Variants in SLC30A9 observed in about 807,000 individuals in gnomAD.
The protein encoded by SLC30A9 is solute carrier family 30 member 9.
In SLC30A9, 58 loss-of-function variants were observed where a neutral mutation model predicts 87.5. The ratio of observed to expected loss-of-function variants is 0.66; its 90% CI spans 0.54 to 0.82. SLC30A9 has a LOEUF of 0.82. Among genes scored for constraint, SLC30A9 ranks in the 40% least tolerant of loss-of-function variants. The pLI, the probability that SLC30A9 is intolerant of heterozygous loss-of-function variation, is 0.00. For missense variants in SLC30A9, 557 were observed against 679.1 expected (o/e 0.82, Z 2.00); for synonymous variants, 234 against 233.0 (o/e 1.00, Z -0.04).
chr4:42,053,489 G>A (rs2153138895), intron 9 of SLC30A9, among the ~76,000 whole-genome samples: 1 of 152,024 alleles, frequency 6.6e-6, no homozygotes. Context: ...TCAGGAATTC[G>A]AGACCAGCCT....
Position 42,018,148 on chromosome 4 carries a change from G to T in SLC30A9, c.312G>T (p.Lys104Asn). The change falls in exon 3 of 18, where the codon AAG (lysine) becomes AAT (asparagine). Residue 104 changes from lysine (K) to asparagine (N), a missense_variant. Physicochemically the swap from Lys to Asn is moderately conservative, Grantham distance 94. Transcript: ENST00000264451. ...GIGTELKAPL[K>N]QEPLQVRVKA... ...GCACAGAACTCAAAGCTCCACTTAA[G>T]CAAGAACCTCTCCAAGTAAGAGGTA... The T allele has an allele frequency of 6.4e-7, 1 of 1,568,344 alleles. No homozygotes were observed. The highest frequency in any genetic ancestry group is 1.4e-5 in the African/African-American group (1 of 73,952).
At chr4:42,056,068 G>A (rs1439584867) in intron 9 of SLC30A9, among the ~76,000 whole-genome samples, 1 of 152,134 alleles carries the variant, frequency 6.6e-6, no homozygotes, top group Admixed American at 6.6e-5. Context: ...GCTGGTTGGG[G>A]TGGTCTCATT....
intron 1 of SLC30A9, among the ~76,000 whole-genome samples, chr4:41,994,827 CA>C (rs539190933): frequency 0.65 from 61,823 of 94,724 alleles, 19,772 homozygotes; most frequent in East Asian, 0.89. Context: ...GATGTGGTCT[CA>C]AAAAAAAAAA....
chr4:42,053,428 C>T (rs541579934), intron 9 of SLC30A9, among the ~76,000 whole-genome samples: 82 of 152,182 alleles, frequency 5.4e-4, no homozygotes, highest in African/African-American at 1.9e-3. Flanking sequence ...CGGTGGCTCA[C>T]GTCTGTAATC....
chr4:42,039,575 G>T (rs1222540840), intron 8 of SLC30A9, among the ~76,000 whole-genome samples: 1 of 150,880 alleles, frequency 6.6e-6, no homozygotes, highest in East Asian at 2.0e-4. Context: ...CCATTCTCCT[G>T]CAACAGCCTC....
chr4:42,020,196 G>A (rs958453992), intron 3 of SLC30A9, among the ~76,000 whole-genome samples: 4 of 152,134 alleles, frequency 2.6e-5, no homozygotes, highest in African/African-American at 9.7e-5. Flanking sequence ...GACATTTTGG[G>A]ATCAGTTATA....
chr4:42,079,990 C>G (rs773659112), intron 17 of SLC30A9, among the ~76,000 whole-genome samples: 3 of 152,100 alleles, frequency 2.0e-5, no homozygotes, highest in Non-Finnish European at 4.4e-5. Context: ...CACATTTTTG[C>G]AAAAGTCTCT....
At chr4:42,075,030 T>G (rs1718465847) in intron 15 of SLC30A9, among the ~76,000 whole-genome samples, 1 of 4,580 alleles carries the variant, frequency 2.2e-4, no homozygotes, top group African/African-American at 8.1e-4. Context: ...AATATATATA[T>G]ATATATATAT....
chr4:41,993,819 C>T (rs1457461177), intron 1 of SLC30A9, among the ~76,000 whole-genome samples: 1 of 152,016 alleles, frequency 6.6e-6, no homozygotes, highest in Non-Finnish European at 1.5e-5. Flanking sequence ...TATTATGATA[C>T]CTTTATTATG....
At chr4:42,014,898 G>C (rs933807371) in intron 2 of SLC30A9, among the ~76,000 whole-genome samples, 2 of 152,152 alleles carry the variant, frequency 1.3e-5, no homozygotes, top group African/African-American at 4.8e-5. Flanking sequence ...ATGGTTACTA[G>C]GGGCTGGGAA....
At chr4:42,082,677 A>G (rs971333189) in intron 17 of SLC30A9, among the ~76,000 whole-genome samples, 11 of 152,152 alleles carry the variant, frequency 7.2e-5, no homozygotes, top group Non-Finnish European at 1.3e-4. Context: ...GTGAAACCCC[A>G]TCTCTACTAA....
chr4:42,035,448 C>T, intron 7 of SLC30A9, 115 bp downstream of exon 7: 2 of 1,110,740 alleles, frequency 1.8e-6, no homozygotes, highest in Non-Finnish European at 2.5e-6. Context: ...TTCTTGAGTA[C>T]ATTGTAGTTC....
intron 2 of SLC30A9, among the ~76,000 whole-genome samples, chr4:42,014,365 C>T (rs1465756505): frequency 1.3e-5 from 2 of 152,146 alleles, no homozygotes; most frequent in Non-Finnish European, 2.9e-5. Flanking sequence ...AGCAATCCCA[C>T]TGCTAGGTAT....
At position 42,040,347 on chromosome 4, in the gene SLC30A9, T is replaced by C. The variant is rs565975892; in HGVS notation, c.737+1294T>C. On this transcript the variant is annotated intron_variant, in intron 8 of 17. Transcript: ENST00000264451. Reference sequence around the variant, plus strand: ...TTAACATAGTACCTGCTCTAAGATATGTACTTAAGAAGTATTATTGTTAAT... The same window carrying C: ...TTAACATAGTACCTGCTCTAAGATACGTACTTAAGAAGTATTATTGTTAAT... Among the ~76,000 whole-genome samples the C allele has an allele frequency of 1.3e-3, 193 of 152,310 alleles. 3 individuals are homozygous for C. Among genetic ancestry groups the C allele is most frequent in the African/African-American group, 4.5e-3 (186 of 41,550 alleles).
rs544720654 is a variant in SLC30A9 at position 42,087,481 on chromosome 4, T to C, written c.*1355T>C. ...ATGGAAATCTATGAATTATTGCAAA[T>C]TGTAATGCTGGAAACAAAAAATAAA... On this transcript the variant is annotated 3_prime_UTR_variant, in exon 18 of 18. Transcript: ENST00000264451. 5.6e-4 allele frequency: 86 copies of C among 152,250 alleles called. No homozygotes were observed. Among genetic ancestry groups the C allele is most frequent in the African/African-American group, 2.0e-3 (84 of 41,566 alleles). The allele number at this position is 152,250 out of a possible 1,614,324, so 9.4% of individuals were successfully genotyped here.
chr4:42,030,111 A>G, intron 6 of SLC30A9: 1 of 926,726 alleles, frequency 1.1e-6, no homozygotes. Context: ...TAAAAATTGA[A>G]GTTAAGAGCT....
intron 2 of SLC30A9, among the ~76,000 whole-genome samples, chr4:42,014,905 G>T (rs1715647389): frequency 6.6e-6 from 1 of 152,100 alleles, no homozygotes; most frequent in African/African-American, 2.4e-5. Context: ...CTAGGGGCTG[G>T]GAAGAATAGT....
chr4:42,063,753 T>C (rs1717967681), intron 11 of SLC30A9, among the ~76,000 whole-genome samples: 1 of 152,176 alleles, frequency 6.6e-6, no homozygotes, highest in Non-Finnish European at 1.5e-5. Context: ...AAACTGTCTT[T>C]TTTTTTCTCA....
chr4:42,042,246 G>C (rs1716951918), intron 8 of SLC30A9, among the ~76,000 whole-genome samples: 2 of 152,156 alleles, frequency 1.3e-5, no homozygotes, highest in Admixed American at 1.3e-4. Flanking sequence ...TGAAACCAGG[G>C]AGCTAAGTGG....
Sources: gnomAD v4.1 joint callset for allele counts (sites outside exome capture counted in the v4.1 genomes callset) on GRCh38, gnomAD v4.1.1 for gene constraint, MANE v1.5 for transcripts, NCBI Gene and HGNC (gene_info 2026-07-23, HGNC 2026-07-21) for gene names.